Variants in RPS6KA6 observed in about 807,000 individuals in gnomAD.
The protein encoded by RPS6KA6 is ribosomal protein S6 kinase A6.
In RPS6KA6, 27 loss-of-function variants were observed where a neutral mutation model predicts 65.4. That is an observed-to-expected ratio of 0.41 (90% CI 0.30 to 0.57). RPS6KA6 has a LOEUF of 0.57. Among genes scored for constraint, RPS6KA6 ranks in the 20% least tolerant of loss-of-function variants. The pLI, the probability that RPS6KA6 is intolerant of heterozygous loss-of-function variation, is 0.24. For missense variants in RPS6KA6, 486 were observed against 555.6 expected (o/e 0.87, Z 1.26); for synonymous variants, 190 against 184.2 (o/e 1.03, Z -0.26).
chrX:84,128,994 T>C (rs953200196), intron 8 of RPS6KA6, among the ~76,000 whole-genome samples: 1 of 111,170 alleles, frequency 9.0e-6, no homozygotes, highest in Admixed American at 9.6e-5. Flanking sequence ...ATGGACAAAC[T>C]GGATCACATC....
intron 20 of RPS6KA6, among the ~76,000 whole-genome samples, chrX:84,084,619 G>A (rs2033877428): frequency 8.9e-6 from 1 of 112,295 alleles, no homozygotes; most frequent in Admixed American, 9.5e-5. Context: ...TAGCCTTGTA[G>A]TATAGTTTGA....
chrX:84,132,448 T>G (rs1480912941), intron 8 of RPS6KA6, among the ~76,000 whole-genome samples: 2 of 110,461 alleles, frequency 1.8e-5, no homozygotes, highest in Non-Finnish European at 3.8e-5. Context: ...AGACTCTGTC[T>G]CTTAAAAAAA....
At chrX:84,146,846 G>A (rs549484530) in intron 5 of RPS6KA6, 132 bp downstream of exon 5, 15 of 341,058 alleles carry the variant, frequency 4.4e-5, no homozygotes, top group Middle Eastern at 1.7e-3. Flanking sequence ...TACATTTTAC[G>A]TAGCTGAATA....
At chrX:84,151,023 G>GATAT (rs1478977490) in intron 3 of RPS6KA6, among the ~76,000 whole-genome samples, 2 of 37,722 alleles carry the variant, frequency 5.3e-5, no homozygotes, top group African/African-American at 9.9e-5. Flanking sequence ...ATAGAGAGAG[G>GATAT]ATATATAGAG....
rs1372992676 is a variant in RPS6KA6 at position 84,104,592 on chromosome X, G to A, written c.1521C>T (p.Asp507=). Reference sequence around the variant, plus strand: ...AGAAACATTTTTGTTTGAGAATACGGTCAAGTAACTCTCCTCCTTTCATTA... The same window carrying A: ...AGAAACATTTTTGTTTGAGAATACGATCAAGTAACTCTCCTCCTTTCATTA... ...TDLMKGGELL[D]RILKQKCFSE... is the part of the protein sequence containing the mutation. The change falls in exon 17 of 22, where the codon GAC becomes GAT. Residue 507 remains aspartate, a synonymous_variant. Transcript: ENST00000262752. 8.5e-7 allele frequency: 1 copy of A among 1,182,150 alleles called. No individual in the cohort carries two copies. The highest frequency in any genetic ancestry group is 2.3e-5 in the Admixed American group (1 of 44,297).
intron 20 of RPS6KA6, among the ~76,000 whole-genome samples, chrX:84,073,906 G>GCGCT (rs1160066989): frequency 9.0e-6 from 1 of 111,052 alleles, no homozygotes; most frequent in East Asian, 2.8e-4. Context: ...AATGGGAAAT[G>GCGCT]CGCTATACTA....
intron 21 of RPS6KA6, among the ~76,000 whole-genome samples, chrX:84,064,759 CG>C (rs1431211707): frequency 9.0e-6 from 1 of 111,289 alleles, no homozygotes; most frequent in Non-Finnish European, 1.9e-5. Context: ...CTCAAAAGCA[CG>C]GCAGGTACAA....
intron 6 of RPS6KA6, among the ~76,000 whole-genome samples, chrX:84,141,914 T>C (rs1285994113): frequency 2.7e-5 from 3 of 111,149 alleles, no homozygotes; most frequent in Non-Finnish European, 3.8e-5. Flanking sequence ...AATATACAAA[T>C]TCATAATTAA....
At chrX:84,117,022 G>A (rs779217260) in intron 11 of RPS6KA6, 38 bp downstream of exon 11, 3 of 845,897 alleles carry the variant, frequency 3.5e-6, no homozygotes, top group Non-Finnish European at 5.1e-6. Context: ...CCCAAAACAT[G>A]CAGTTACTTC....
At chrX:84,181,384 A>C (rs1569247017) in intron 1 of RPS6KA6, among the ~76,000 whole-genome samples, 1 of 111,719 alleles carries the variant, frequency 9.0e-6, no homozygotes, top group Non-Finnish European at 1.9e-5. Flanking sequence ...TGGAAAAGCA[A>C]ATTCCTCAAA....
chrX:84,117,002 T>A, intron 11 of RPS6KA6, 58 bp downstream of exon 11: 1 of 758,670 alleles, frequency 1.3e-6, no homozygotes, highest in Non-Finnish European at 1.9e-6. Flanking sequence ...CATAAAGATT[T>A]AATTATCCTC....
intron 3 of RPS6KA6, among the ~76,000 whole-genome samples, chrX:84,152,202 TTTTTC>T (rs1473478950): frequency 9.0e-6 from 1 of 110,704 alleles, no homozygotes; most frequent in Non-Finnish European, 1.9e-5. Flanking sequence ...CCTGATCTGT[TTTTTC>T]TTTTTTTTCA....
At chrX:84,120,354 C>T (rs1187424977) in intron 8 of RPS6KA6, among the ~76,000 whole-genome samples, 1 of 111,042 alleles carries the variant, frequency 9.0e-6, no homozygotes, top group Non-Finnish European at 1.9e-5. Flanking sequence ...TAGACTAAGA[C>T]AAAACAGAAA....
At position 84,147,043 on chromosome X, in the gene RPS6KA6, C is replaced by T. The variant is rs1569233608; in HGVS notation, c.356G>A (p.Arg119Gln). 7 of 1,165,849 alleles carry T rather than the reference C, an allele frequency of 6.0e-6. No individual in the cohort carries two copies. The highest frequency in any genetic ancestry group is 8.1e-6 in the Non-Finnish European group (7 of 862,268). The change falls in exon 5 of 22, where the codon CGG (arginine) becomes CAG (glutamine). Residue 119 changes from arginine (R) to glutamine (Q), a missense_variant. By Grantham distance (43) the Arg-to-Gln change is conservative. Coordinates refer to ENST00000262752, the MANE Select transcript of RPS6KA6 (RefSeq NM_014496.5). ...KASLKVRDRV[R>Q]TKMERDILVE... ...CAGTATATCCCTCTCCATCTTTGTC[C>T]GAACTCTGTCTCGAACTAAAAATTA... is the stretch of plus-strand genomic sequence containing the variant.
intron 6 of RPS6KA6, among the ~76,000 whole-genome samples, chrX:84,142,411 A>G (rs752872711): frequency 9.0e-6 from 1 of 111,449 alleles, no homozygotes; most frequent in East Asian, 2.8e-4. Flanking sequence ...ATTATTAGAA[A>G]AGAAAGGCCT....
intron 8 of RPS6KA6, among the ~76,000 whole-genome samples, chrX:84,121,390 G>A (rs1318843438): frequency 8.9e-6 from 1 of 111,919 alleles, no homozygotes; most frequent in Non-Finnish European, 1.9e-5. Context: ...CTTTTTCAAG[G>A]TAAGGAACTG....
Position 84,065,102 on chromosome X carries a change from A to G in RPS6KA6, c.1981T>C (p.Ser661Pro), listed in dbSNP as rs762798474. The stretch of plus-strand genomic sequence containing the variant: ...TGTGGGTCCATATGAAGCATATGGG[A>G]AAGCAAATCCTAAATTAAAAAAAAT... ...NISDGAKDLL[S>P]HMLHMDPHQR... Residue 661 changes from serine to proline, a missense_variant, in exon 21 of 22, where the codon TCC (serine) becomes CCC (proline). Physicochemically the swap from Ser to Pro is moderately conservative, Grantham distance 74 (BLOSUM62 -1). Around this residue, in one of 3 missense-constraint regions of RPS6KA6, gnomAD observed 345 missense variants for 375.0 expected, o/e 0.92. Coordinates refer to ENST00000262752, the MANE Select transcript of RPS6KA6 (RefSeq NM_014496.5). The G allele has an allele frequency of 5.1e-6, 6 of 1,183,387 alleles. No individual in the cohort carries two copies. The highest frequency in any genetic ancestry group is 6.8e-6 in the Non-Finnish European group (6 of 877,386).
chrX:84,124,252 C>T (rs1487392932), intron 8 of RPS6KA6, among the ~76,000 whole-genome samples: 1 of 111,146 alleles, frequency 9.0e-6, no homozygotes, highest in Non-Finnish European at 1.9e-5. Context: ...CACTCCCAAG[C>T]ATCTACAAGC....
intron 1 of RPS6KA6, among the ~76,000 whole-genome samples, chrX:84,169,685 A>G (rs1172384694): frequency 8.9e-6 from 1 of 111,803 alleles, no homozygotes; most frequent in Non-Finnish European, 1.9e-5. Context: ...TCTGAAGAAG[A>G]AAGTAGAGAG....
Sources: allele counts gnomAD v4.1 joint callset (sites outside exome capture counted in the v4.1 genomes callset), GRCh38; gene constraint gnomAD v4.1.1; regional missense constraint gnomAD v4.1.1; transcripts MANE v1.5; gene names NCBI Gene and HGNC (gene_info 2026-07-23, HGNC 2026-07-21).